Variants in LBR observed in about 807,000 individuals in gnomAD.
The protein encoded by LBR is lamin B receptor.
In LBR, 28 loss-of-function variants were observed where a neutral mutation model predicts 74.3. That is an observed-to-expected ratio of 0.38 (90% CI 0.28 to 0.52). The LOEUF is 0.52. Ranked by LOEUF, LBR falls within the 20% of genes least tolerant of loss-of-function variation. The probability of loss-of-function intolerance (pLI) is 0.89; values close to 1 mark genes in which losing one functional copy is unlikely to be tolerated. For missense variants in LBR, 717 were observed against 760.3 expected (o/e 0.94, Z 0.67); for synonymous variants, 228 against 269.3 (o/e 0.85, Z 1.50).
chr1:225,404,741 T>A, intron 11 of LBR, 35 bp from the exon 12 acceptor site: 1 of 1,346,800 alleles, frequency 7.4e-7, no homozygotes, highest in Non-Finnish European at 1.1e-6. Flanking sequence ...TGTTAATAAC[T>A]TAGTTATACT....
chr1:225,421,169 A>T (rs906359654), intron 3 of LBR, among the ~76,000 whole-genome samples: 1 of 152,258 alleles, frequency 6.6e-6, no homozygotes, highest in Non-Finnish European at 1.5e-5. Context: ...ACTACTGAGC[A>T]GTATGTATAT....
intron 8 of LBR, 64 bp downstream of exon 8, chr1:225,412,390 C>T: frequency 6.8e-7 from 1 of 1,469,834 alleles, no homozygotes. Context: ...CTATTCAAAT[C>T]TGGAAATGGC....
chr1:225,403,160 C>T lies in LBR; in HGVS notation c.*143G>A, dbSNP rs1398979763. On this transcript the variant is annotated 3_prime_UTR_variant, in exon 14 of 14. Transcript: ENST00000272163. ...CGGCTATATTAAAAGATCAACTACT[C>T]GGCTCCATAGTCCTGACTCAAAAAG... 1.0e-5 allele frequency: 7 copies of T among 699,022 alleles called. No homozygotes were observed. Among genetic ancestry groups the T allele is most frequent in the African/African-American group, 1.8e-5 (1 of 55,426 alleles). 43.3% of individuals were successfully genotyped at this position (699,022 alleles called of 1,614,324 possible). A position where few individuals can be genotyped will look rare whatever the true frequency, so the allele number is the denominator to read the frequency against.
intron 4 of LBR, 103 bp downstream of exon 4, chr1:225,419,612 T>G (rs1283253731): frequency 9.5e-7 from 1 of 1,055,792 alleles, no homozygotes; most frequent in African/African-American, 1.6e-5. Context: ...TAGAACAGGT[T>G]ATAAAATATT....
chr1:225,412,696 T>G, intron 7 of LBR, 51 bp from the exon 8 acceptor site: 1 of 1,506,526 alleles, frequency 6.6e-7, no homozygotes, highest in African/African-American at 1.4e-5. Flanking sequence ...AACCCAAGGC[T>G]CACATGAAAC....
intron 11 of LBR, among the ~76,000 whole-genome samples, chr1:225,406,082 C>G (rs999402268): frequency 1.3e-5 from 2 of 152,182 alleles, no homozygotes; most frequent in African/African-American, 4.8e-5. Flanking sequence ...CACTTCCCCA[C>G]CACACACCCT....
At chr1:225,419,474 T>A in intron 4 of LBR, 22 bp from the exon 5 acceptor site, 1 of 1,535,836 alleles carries the variant, frequency 6.5e-7, no homozygotes, top group Non-Finnish European at 9.0e-7. Context: ...ATTTAAAAAT[T>A]AAATATCTGC....
intron 1 of LBR, among the ~76,000 whole-genome samples, chr1:225,426,150 C>T (rs928854451): frequency 2.0e-5 from 3 of 152,210 alleles, no homozygotes; most frequent in African/African-American, 2.4e-5. Flanking sequence ...TCTTAGAAGA[C>T]CATTATCTTA....
rs902888769 is a variant in LBR, at chr1:225,410,871, T to G, written c.1189-455A>C. On this transcript the variant is annotated intron_variant, in intron 9 of 13. Coordinates refer to ENST00000272163, the MANE Select transcript of LBR (RefSeq NM_002296.4). ...AAAACTGGTGAACTCGACTGAGGCC[T>G]GTGGACTTGGTAACCAATGCTGTCA... Among the ~76,000 whole-genome samples, 52 of 152,236 alleles carry G rather than the reference T, an allele frequency of 3.4e-4. 1 individual carries two copies. Among genetic ancestry groups the G allele is most frequent in the Admixed American group, 2.6e-4 (4 of 15,286 alleles).
At chr1:225,423,330 C>T (rs1381814978) in intron 2 of LBR, among the ~76,000 whole-genome samples, 2 of 152,126 alleles carry the variant, frequency 1.3e-5, no homozygotes, top group South Asian at 2.1e-4. Flanking sequence ...GGGCTAGACT[C>T]GAATCTAATT....
chr1:225,411,209 T>C (rs2096104581), intron 9 of LBR, 128 bp downstream of exon 9: 3 of 761,158 alleles, frequency 3.9e-6, no homozygotes, highest in Non-Finnish European at 7.1e-6. Flanking sequence ...TTTGATAGAT[T>C]TATGGAAAGC....
chr1:225,411,498 C>G lies in LBR; in HGVS notation c.1085-58G>C. 5 of 1,243,442 alleles carry G rather than the reference C, an allele frequency of 4.0e-6. No homozygotes were observed. In the South Asian group the frequency reaches 6.0e-5, roughly 15 times the overall value. The allele number at this position is 1,243,442 out of a possible 1,614,324, so 77.0% of individuals were successfully genotyped here. On this transcript the variant is annotated intron_variant, in intron 8 of 13. Transcript: ENST00000272163. ...TTCCAAACCCAGTCAGGAGGCTTTACAACGGCACTGCCGCCCACTATCCAG... is the reference window on the plus strand; with the variant it reads ...TTCCAAACCCAGTCAGGAGGCTTTAGAACGGCACTGCCGCCCACTATCCAG...
intron 3 of LBR, among the ~76,000 whole-genome samples, chr1:225,420,776 T>TG (rs1213964779): frequency 7.2e-6 from 1 of 139,286 alleles, no homozygotes; most frequent in Non-Finnish European, 1.6e-5. Flanking sequence ...AGCCACATTC[T>TG]CCAAAAAAAA....
At chr1:225,412,685 T>G (rs769130434) in intron 7 of LBR, 40 bp from the exon 8 acceptor site, 37 of 1,538,060 alleles carry the variant, frequency 2.4e-5, no homozygotes, top group Non-Finnish European at 3.2e-5. Flanking sequence ...AAATTAATAT[T>G]AACCCAAGGC....
In LBR at chr1:225,402,717, GA is replaced by G. The variant is rs1558647841; in HGVS notation, c.*585del. ...TATTTACATTTTCAATGTAGTTTTAGAAGTTGAGGTTAAGCCAACTGCTACA... is the reference window on the plus strand; with the variant it reads ...TATTTACATTTTCAATGTAGTTTTAGAGTTGAGGTTAAGCCAACTGCTACA... On this transcript the variant is annotated 3_prime_UTR_variant, in exon 14 of 14. Transcript: ENST00000272163. The G allele has an allele frequency of 1.3e-5, 2 of 152,784 alleles. No homozygotes were observed. The highest frequency in any genetic ancestry group is 3.9e-4 in the East Asian group (2 of 5,192). 9.5% of individuals were successfully genotyped at this position (152,784 alleles called of 1,614,324 possible).
chr1:225,417,383 G>C (rs991774989), intron 6 of LBR, among the ~76,000 whole-genome samples: 2 of 152,112 alleles, frequency 1.3e-5, no homozygotes, highest in African/African-American at 4.8e-5. Context: ...GGATTCTACT[G>C]AAAGAAGAAA....
chr1:225,427,709 A>G (rs1300235397), intron 1 of LBR: 8 of 152,052 alleles, frequency 5.3e-5, no homozygotes, highest in African/African-American at 1.9e-4. Flanking sequence ...CCATTTCCGC[A>G]GCGGGCCCGG....
chr1:225,423,992 C>A lies in LBR; in HGVS notation c.84G>T (p.Leu28=). The A allele has an allele frequency of 1.9e-6, 3 of 1,614,030 alleles. No individual in the cohort carries two copies. The highest frequency in any genetic ancestry group is 2.5e-6 in the Non-Finnish European group (3 of 1,179,880). Residue 28 remains leucine (L), a synonymous_variant, in exon 2 of 14, where the codon CTG becomes CTT. Transcript: ENST00000272163. ...GSSLYYEVEI[L]SHDSTSQLYT... ...AAAGCTGGGAGGTGCTGTCGTGGCT[C>A]AGAATTTCTACTTCATAATAAAGTG...
upstream of LBR, among the ~76,000 whole-genome samples, chr1:225,428,262 C>T (rs2096145238): frequency 6.6e-6 from 1 of 152,048 alleles, no homozygotes. Context: ...GCGGGGAGGC[C>T]GGTGAGCGGG....
Sources: gnomAD v4.1 joint callset for allele counts (sites outside exome capture counted in the v4.1 genomes callset) on GRCh38, gnomAD v4.1.1 for gene constraint, MANE v1.5 for transcripts, NCBI Gene and HGNC (gene_info 2026-07-23, HGNC 2026-07-21) for gene names.